NLRC5: variants seen among roughly 807,000 people sequenced by gnomAD.
NLRC5 encodes the protein protein NLRC5.
NLRC5 carries 114 observed loss-of-function variants against 206.9 expected under a neutral mutation model. The ratio of observed to expected loss-of-function variants is 0.55; its 90% CI spans 0.47 to 0.64. The LOEUF (loss-of-function observed/expected upper bound fraction) is 0.64. Among genes scored for constraint, NLRC5 ranks in the 30% least tolerant of loss-of-function variants. The pLI is 0.00. For synonymous variants in NLRC5, 952 were observed against 962.8 expected (o/e 0.99, Z 0.21); for missense variants, 2,008 against 2,305.5 (o/e 0.87, Z 2.64).
chr16:57,074,505 G>T (rs2068121847), intron 38 of NLRC5, 95 bp from the exon 39 acceptor site: 5 of 1,022,604 alleles, frequency 4.9e-6, no homozygotes, highest in Non-Finnish European at 7.7e-6. Context: ...TGTCTTGGAG[G>T]TCCCTAGGCT....
At chr16:57,079,350 TCTGA>T in intron 45 of NLRC5, 58 bp downstream of exon 45, 1 of 1,578,002 alleles carries the variant, frequency 6.3e-7, no homozygotes, top group Non-Finnish European at 8.7e-7. Flanking sequence ...GCAGCCCTTC[TCTGA>T]CTGAGCCTAA....
chr16:57,040,809 C>A, intron 17 of NLRC5, 91 bp downstream of exon 17: 1 of 1,272,514 alleles, frequency 7.9e-7, no homozygotes. Flanking sequence ...CCAGGCCCCA[C>A]ATGCTCCCTG....
chr16:57,055,355 C>A, intron 26 of NLRC5, 78 bp from the exon 27 acceptor site: 18 of 1,377,600 alleles, frequency 1.3e-5, no homozygotes, highest in Non-Finnish European at 1.7e-5. Flanking sequence ...AGAGGCTGTG[C>A]CCTGGGCTAG....
chr16:57,049,107 TA>T (rs572162331), intron 23 of NLRC5, among the ~76,000 whole-genome samples: 73 of 141,878 alleles, frequency 5.1e-4, no homozygotes, highest in South Asian at 8.9e-4. Context: ...GCTGATGTGC[TA>T]AAAAAAAAAA....
At chr16:57,060,477 C>T (rs542095319) in intron 30 of NLRC5, among the ~76,000 whole-genome samples, 7 of 151,620 alleles carry the variant, frequency 4.6e-5, no homozygotes, top group Admixed American at 4.6e-4. Flanking sequence ...GCACACACAA[C>T]ACACAAACGC....
rs1013214085 is a variant in NLRC5 at position 57,082,887 on chromosome 16, T to G, written c.*359T>G. On this transcript the variant is annotated 3_prime_UTR_variant, in exon 49 of 49. Transcript: ENST00000688547. ...TCAGTGTGGCACGTGTTCTGTGGCA[T>G]GGGTGCTGGCATCCCAAGTAGCAGG... 1.5e-5 allele frequency: 3 copies of G among 201,376 alleles called. No individual in the cohort carries two copies. Among genetic ancestry groups the G allele is most frequent in the African/African-American group, 4.6e-5 (2 of 43,284 alleles). 12.5% of individuals were successfully genotyped at this position (201,376 alleles called of 1,614,324 possible).
rs773754988 is a variant in NLRC5 at position 57,020,741 on chromosome 16, A to G, written c.29A>G (p.Asn10Ser). The G allele has an allele frequency of 6.2e-7, 1 of 1,611,160 alleles. No homozygotes were observed. The highest frequency in any genetic ancestry group is 1.1e-5 in the South Asian group (1 of 90,818). Residue 10 changes from asparagine to serine, a missense_variant, in exon 3 of 49, where the codon AAC (asparagine) becomes AGC (serine). Physicochemically the swap from Asn to Ser is conservative, Grantham distance 46. Transcript: ENST00000688547. MDPVGLQLG[N>S]KNLWSCLVRL... ...GACCCCGTTGGCCTCCAGCTCGGCA[A>G]CAAGAACCTGTGGAGCTGTCTTGTG...
intron 5 of NLRC5, among the ~76,000 whole-genome samples, chr16:57,024,794 G>A (rs1386369665): frequency 2.0e-5 from 3 of 152,210 alleles, no homozygotes; most frequent in African/African-American, 7.2e-5. Context: ...TGGATCAGTT[G>A]AGCCCAGGAA....
intron 1 of NLRC5, chr16:56,991,885 G>A (rs574990018): frequency 2.0e-5 from 3 of 152,058 alleles, no homozygotes; most frequent in African/African-American, 4.8e-5. Context: ...AACCCTCGGC[G>A]CCTCCTAACG....
chr16:57,026,598 A>G lies in NLRC5; in HGVS notation c.1655A>G (p.Lys552Arg). 1.2e-6 allele frequency: 2 copies of G among 1,614,066 alleles called. No individual in the cohort carries two copies. The highest frequency in any genetic ancestry group is 1.7e-6 in the Non-Finnish European group (2 of 1,180,006). The change falls in exon 6 of 49, where the codon AAA (lysine) becomes AGA (arginine). Residue 552 changes from lysine (K) to arginine (R), a missense_variant. Lys to Arg is a conservative substitution (Grantham distance 26, BLOSUM62 2). Transcript: ENST00000688547. ...CATTCCCGCTGGGTACAGCGGACCA[A>G]AGCTAGACTGGGCCTCTCAGACCAC... ...TLHSRWVQRT[K>R]ARLGLSDHLP...
intron 1 of NLRC5, chr16:56,990,508 C>T (rs898093508): frequency 1.3e-5 from 2 of 152,198 alleles, no homozygotes; most frequent in Admixed American, 1.3e-4. Flanking sequence ...ACCCAGAAAG[C>T]CAGGACCTGA....
rs27194 is a variant in NLRC5 at position 57,082,602 on chromosome 16, T to G, written c.*74T>G. The G allele has an allele frequency of 2.4e-4, 274 of 1,126,724 alleles. 3 individuals are homozygous for G. In the East Asian group the frequency reaches 6.3e-3, roughly 26 times the overall value. 69.8% of individuals were successfully genotyped at this position (1,126,724 alleles called of 1,614,324 possible). A position where few individuals can be genotyped will look rare whatever the true frequency, so the allele number is the denominator to read the frequency against. ...ATCCACCTTTCGCCCACTGGGATAA[T>G]TGACTCAGGAAAGAAGAGCCTCGGC... On this transcript the variant is annotated 3_prime_UTR_variant, in exon 49 of 49. Coordinates refer to ENST00000688547, the MANE Select transcript of NLRC5 (RefSeq NM_001384950.1).
chr16:57,043,974 T>C (rs1205977387), intron 20 of NLRC5, among the ~76,000 whole-genome samples: 1 of 151,900 alleles, frequency 6.6e-6, no homozygotes, highest in Admixed American at 6.6e-5. Context: ...TATGTATACA[T>C]GTGCCATGTT....
At chr16:56,991,358 T>C (rs2056813964) in intron 1 of NLRC5, among the ~76,000 whole-genome samples, 1 of 150,568 alleles carries the variant, frequency 6.6e-6, no homozygotes, top group Non-Finnish European at 1.5e-5. Flanking sequence ...AAACTTCTTT[T>C]GCTGTTGTTG....
Position 57,051,584 on chromosome 16 carries a change from G to A in NLRC5, c.3469G>A (p.Asp1157Asn), listed in dbSNP as rs1356292212. ...TGACCAGAGCCTGGAGACTCTACTG[G>A]ACTGCTTACCTCAACTCCCTCAGCT... is the stretch of plus-strand genomic sequence containing the variant. The part of the protein sequence containing the change: ...LSDQSLETLL[D>N]CLPQLPQLSL... Residue 1157 changes from aspartate (D) to asparagine (N), a missense_variant, in exon 24 of 49, where the codon GAC (aspartate) becomes AAC (asparagine). Coordinates refer to ENST00000688547, the MANE Select transcript of NLRC5 (RefSeq NM_001384950.1). 6.2e-7 allele frequency: 1 copy of A among 1,614,094 alleles called. No homozygotes were observed. Among genetic ancestry groups the A allele is most frequent in the Non-Finnish European group, 8.5e-7 (1 of 1,179,982 alleles).
At chr16:56,996,191 C>A (rs1224435191) in intron 1 of NLRC5, among the ~76,000 whole-genome samples, 3 of 151,780 alleles carry the variant, frequency 2.0e-5, no homozygotes, top group African/African-American at 4.8e-5. Flanking sequence ...TTTTTCTAGA[C>A]AAGGTCTCAC....
In NLRC5 at chr16:57,067,834, T is replaced by C; in HGVS notation, c.4499+6T>C. The C allele has an allele frequency of 6.2e-7, 1 of 1,609,798 alleles. No homozygotes were observed. The highest frequency in any genetic ancestry group is 8.5e-7 in the Non-Finnish European group (1 of 1,176,054). On this transcript the variant is annotated splice_donor_region_variant and intron_variant, in intron 36 of 48. Coordinates refer to ENST00000688547, the MANE Select transcript of NLRC5 (RefSeq NM_001384950.1). Reference sequence around the variant, plus strand: ...TCTGAGCTGAAGACATTTCGGTATGTAGACAAGACATTCACTCAGTCCCCT... The same window carrying C: ...TCTGAGCTGAAGACATTTCGGTATGCAGACAAGACATTCACTCAGTCCCCT...
chr16:57,055,638 G>A, intron 27 of NLRC5, 119 bp downstream of exon 27: 1 of 771,064 alleles, frequency 1.3e-6, no homozygotes. Context: ...ACACCTCTCA[G>A]GACCAGCTGT....
chr16:57,010,747 A>C lies in NLRC5; in HGVS notation c.-127-6327A>C, dbSNP rs538676087. On this transcript the variant is annotated intron_variant, in intron 1 of 48. Transcript: ENST00000688547. Reference sequence around the variant, plus strand: ...ATTTTTCCCCACCTATTGCCTTCCTATTTCTCTTTTATTTCACGTCATTTA... The same window carrying C: ...ATTTTTCCCCACCTATTGCCTTCCTCTTTCTCTTTTATTTCACGTCATTTA... 1.1e-4 allele frequency among the ~76,000 whole-genome samples: 16 copies of C among 151,950 alleles called. No individual in the cohort carries two copies. The South Asian group carries it at 3.1e-3, about 30-fold the overall frequency.
Sources: gnomAD v4.1 joint callset for allele counts (sites outside exome capture counted in the v4.1 genomes callset) on GRCh38, gnomAD v4.1.1 for gene constraint, MANE v1.5 for transcripts, NCBI Gene and HGNC (gene_info 2026-07-23, HGNC 2026-07-21) for gene names.